The following FKTN variants were observed in gnomAD, a reference collection of about 807,000 sequenced individuals.
FKTN encodes the protein fukutin, also known as ribitol-5-phosphate transferase FKTN.
A neutral mutation model predicts 58.6 loss-of-function variants in FKTN; 47 were observed. The observed-to-expected ratio is 0.80, with a 90% confidence interval of 0.63 to 1.02. The LOEUF (loss-of-function observed/expected upper bound fraction) is 1.02. Ranked by LOEUF, FKTN falls within the 50% of genes least tolerant of loss-of-function variation. The pLI is 0.00. For missense variants in FKTN, 516 were observed against 537.3 expected, an observed-to-expected ratio of 0.96 and a Z score of 0.39; for synonymous variants, 178 against 191.9, an observed-to-expected ratio of 0.93 and a Z score of 0.60.
At position 105,640,291 on chromosome 9, in the gene FKTN, C is replaced by A; in HGVS notation, c.*5027C>A. The A allele has an allele frequency of 1.2e-6, 1 of 864,092 alleles. No homozygotes were observed. Among genetic ancestry groups the A allele is most frequent in the Non-Finnish European group, 1.7e-6 (1 of 598,958 alleles). The allele number at this position is 864,092 out of a possible 1,614,324, so 53.5% of individuals were successfully genotyped here. A position where few individuals can be genotyped will look rare whatever the true frequency, so the allele number is the denominator to read the frequency against. On this transcript the variant is annotated 3_prime_UTR_variant, in exon 11 of 11. Coordinates refer to ENST00000357998, the MANE Select transcript of FKTN (RefSeq NM_001079802.2). ...TTCTTTTGGGTGCAGTGGCTCACAC[C>A]TGTAATACCAGCAGTTTGAGAAGCT...
Position 105,635,507 on chromosome 9 carries a change from T to C in FKTN, c.*243T>C. ...TGAATGAGACAAATACCTACTTCTT[T>C]TATTCCTCCTTTTGGTAAACAACTC... On this transcript the variant is annotated 3_prime_UTR_variant, in exon 11 of 11. Coordinates refer to ENST00000357998, the MANE Select transcript of FKTN (RefSeq NM_001079802.2). 1 of 1,378,260 alleles carries C rather than the reference T, an allele frequency of 7.3e-7. No homozygotes were observed. Among genetic ancestry groups the C allele is most frequent in the East Asian group, 2.9e-5 (1 of 34,688 alleles). The allele number at this position is 1,378,260 out of a possible 1,614,324, so 85.4% of individuals were successfully genotyped here.
intron 4 of FKTN, among the ~76,000 whole-genome samples, chr9:105,600,637 A>G (rs572702909): frequency 2.2e-4 from 33 of 152,318 alleles, no homozygotes; most frequent in African/African-American, 7.9e-4. Context: ...TTTTGCTTAG[A>G]AAGATTATTA....
intron 7 of FKTN, among the ~76,000 whole-genome samples, chr9:105,609,025 A>C (rs569877513): frequency 6.6e-6 from 1 of 152,340 alleles, no homozygotes; most frequent in East Asian, 1.9e-4. Flanking sequence ...ATCACAGTGA[A>C]TTATGAATAT....
At chr9:105,570,868 G>GTAT (rs1373865400) in intron 1 of FKTN, among the ~76,000 whole-genome samples, 29 of 152,086 alleles carry the variant, frequency 1.9e-4, no homozygotes, top group African/African-American at 7.0e-4. Flanking sequence ...CTGGTTTTAT[G>GTAT]GAAGTAAATG....
chr9:105,623,749 T>G (rs1178212613), intron 10 of FKTN, among the ~76,000 whole-genome samples: 1 of 152,190 alleles, frequency 6.6e-6, no homozygotes, highest in African/African-American at 2.4e-5. Flanking sequence ...CTTAAGGATC[T>G]CATGATCTAG....
At chr9:105,560,676 A>G (rs914373422) in intron 1 of FKTN, among the ~76,000 whole-genome samples, 7 of 152,196 alleles carry the variant, frequency 4.6e-5, no homozygotes, top group Non-Finnish European at 8.8e-5. Context: ...TGCACTAAGT[A>G]CATGTCACAC....
chr9:105,576,159 TTTAA>T (rs970654763), intron 3 of FKTN, among the ~76,000 whole-genome samples: 5 of 151,262 alleles, frequency 3.3e-5, no homozygotes, highest in African/African-American at 1.2e-4. Flanking sequence ...TTTTTTTTTT[TTTAA>T]TTAATTTATT....
At chr9:105,588,594 CAT>C (rs1447486686) in intron 3 of FKTN, among the ~76,000 whole-genome samples, 1 of 152,166 alleles carries the variant, frequency 6.6e-6, no homozygotes, top group Non-Finnish European at 1.5e-5. Context: ...AATAACAATA[CAT>C]GTTACCTCTT....
At chr9:105,627,188 T>TCTCTGAC (rs1832850434) in intron 10 of FKTN, among the ~76,000 whole-genome samples, 1 of 152,134 alleles carries the variant, frequency 6.6e-6, no homozygotes, top group South Asian at 2.1e-4. Context: ...CCCAGGCTAG[T>TCTCTGAC]CTCAAACCCC....
chr9:105,578,656 C>A (rs967428635), intron 3 of FKTN, among the ~76,000 whole-genome samples: 3 of 151,942 alleles, frequency 2.0e-5, no homozygotes, highest in African/African-American at 7.3e-5. Context: ...CTCTGCCCGG[C>A]TTTGGTATCA....
chr9:105,582,848 A>G (rs984205206), intron 3 of FKTN, among the ~76,000 whole-genome samples: 7 of 152,232 alleles, frequency 4.6e-5, no homozygotes, highest in Non-Finnish European at 7.3e-5. Context: ...AATAGGAATA[A>G]CAATAATAAT....
At chr9:105,609,315 A>T (rs1033963161) in intron 7 of FKTN, among the ~76,000 whole-genome samples, 1 of 152,204 alleles carries the variant, frequency 6.6e-6, no homozygotes, top group African/African-American at 2.4e-5. Context: ...TTTTAAATAC[A>T]TAAAAGCTGC....
chr9:105,637,969 C>G lies in FKTN; in HGVS notation c.*2705C>G. Reference sequence around the variant, plus strand: ...TAGCTGCAAAACCTGAAATTGACCACTAGGTGACAGAATGTTTGCCAGTAT... The same window carrying G: ...TAGCTGCAAAACCTGAAATTGACCAGTAGGTGACAGAATGTTTGCCAGTAT... On this transcript the variant is annotated 3_prime_UTR_variant, in exon 11 of 11. Transcript: ENST00000357998. 1 of 985,380 alleles carries G rather than the reference C, an allele frequency of 1.0e-6. No individual in the cohort carries two copies. 61.0% of individuals were successfully genotyped at this position (985,380 alleles called of 1,614,324 possible). A position where few individuals can be genotyped will look rare whatever the true frequency, so the allele number is the denominator to read the frequency against.
At position 105,581,875 on chromosome 9, in the gene FKTN, T is replaced by C. The variant is rs985927383; in HGVS notation, c.105+6738T>C. Among the ~76,000 whole-genome samples the C allele has an allele frequency of 9.1e-3, 1,385 of 152,324 alleles. 21 individuals carry two copies. Among genetic ancestry groups the C allele is most frequent in the African/African-American group, 0.032 (1,327 of 41,566 alleles). ...TGTGGGATATAGTCTCGTGGTGCAC[T>C]GTTTTTTAAGCCGGTCTGAAAAGCG... On this transcript the variant is annotated intron_variant, in intron 3 of 10. Coordinates refer to ENST00000357998, the MANE Select transcript of FKTN (RefSeq NM_001079802.2).
intron 4 of FKTN, 134 bp from the exon 5 acceptor site, chr9:105,601,011 T>A: frequency 1.6e-6 from 1 of 627,970 alleles, no homozygotes; most frequent in Non-Finnish European, 2.8e-6. Context: ...TTTGTATTTT[T>A]TAGCACAATG....
chr9:105,575,073 C>G lies in FKTN; in HGVS notation c.41C>G (p.Thr14Arg), dbSNP rs149033995. 6.2e-7 allele frequency: 1 copy of G among 1,611,960 alleles called. No homozygotes were observed. Among genetic ancestry groups the G allele is most frequent in the African/African-American group, 1.3e-5 (1 of 74,870 alleles). Residue 14 changes from threonine to arginine, a missense_variant, in exon 3 of 11, where the codon ACG becomes AGG. Thr to Arg is a moderately conservative substitution (Grantham distance 71). Coordinates refer to ENST00000357998, the MANE Select transcript of FKTN (RefSeq NM_001079802.2). ...INKNVVLALL[T>R]LTSSAFLLFQ... is the part of the protein sequence containing the mutation. ...AAGAACGTGGTTTTGGCCCTTTTAA[C>G]GCTGACAAGTTCTGCATTTCTGCTG...
chr9:105,581,147 G>A (rs1842802049), intron 3 of FKTN, among the ~76,000 whole-genome samples: 1 of 149,418 alleles, frequency 6.7e-6, no homozygotes, highest in Non-Finnish European at 1.5e-5. Flanking sequence ...TTGATCGTCT[G>A]AAGCCTTCTT....
At chr9:105,561,823 A>C (rs1472887188) in intron 1 of FKTN, among the ~76,000 whole-genome samples, 1 of 152,244 alleles carries the variant, frequency 6.6e-6, no homozygotes, top group Non-Finnish European at 1.5e-5. Context: ...TCAAAGGAAA[A>C]GAAATGGACA....
At position 105,636,551 on chromosome 9, in the gene FKTN, C is replaced by A. The variant is rs1834049518; in HGVS notation, c.*1287C>A. The stretch of plus-strand genomic sequence containing the variant: ...TAGTTTCCTTTTCCCCTCAAGATGT[C>A]TGAGTCAGCTAGGATGCTGTTTACC... On this transcript the variant is annotated 3_prime_UTR_variant, in exon 11 of 11. Coordinates refer to ENST00000357998, the MANE Select transcript of FKTN (RefSeq NM_001079802.2). 1 of 1,049,252 alleles carries A rather than the reference C, an allele frequency of 9.5e-7. No individual in the cohort carries two copies. Among genetic ancestry groups the A allele is most frequent in the Non-Finnish European group, 1.2e-6 (1 of 857,172 alleles). 65.0% of individuals were successfully genotyped at this position (1,049,252 alleles called of 1,614,324 possible).
Sources: allele counts gnomAD v4.1 joint callset (sites outside exome capture counted in the v4.1 genomes callset), GRCh38; gene constraint gnomAD v4.1.1; transcripts MANE v1.5; gene names NCBI Gene and HGNC (gene_info 2026-07-23, HGNC 2026-07-21).